The following ITGAL variants were observed in gnomAD, a reference collection of about 807,000 sequenced individuals.
ITGAL encodes the protein integrin subunit alpha L, also known as integrin alpha-L.
ITGAL carries 68 observed loss-of-function variants against 138.4 expected under a neutral mutation model. The ratio of observed to expected loss-of-function variants is 0.49; its 90% CI spans 0.40 to 0.60. The LOEUF is 0.60. Ranked by LOEUF, ITGAL falls within the 20% of genes least tolerant of loss-of-function variation. The pLI is 0.00. For missense variants in ITGAL, 1,256 were observed against 1,478.6 expected (o/e 0.85, Z 2.47); for synonymous variants, 561 against 584.3 (o/e 0.96, Z 0.57).
chr16:30,505,250 A>G lies in ITGAL; in HGVS notation c.2242A>G (p.Lys748Glu). 1 of 1,607,762 alleles carries G rather than the reference A, an allele frequency of 6.2e-7. No individual in the cohort carries two copies. Among genetic ancestry groups the G allele is most frequent in the Non-Finnish European group, 8.5e-7 (1 of 1,176,340 alleles). ...CCCACTACCCCTCGCTCAGCAGGGC[A>G]AGGACATACCGCCCATCCTGAGACC... ...GTPRDQRAQG[K>E]DIPPILRPSL... is the part of the protein sequence containing the mutation. Residue 748 changes from lysine (K) to glutamate (E), a missense_variant, in exon 19 of 31, where the codon AAG (lysine) becomes GAG (glutamate). Around this residue, in one of 3 missense-constraint regions of ITGAL, gnomAD observed 867 missense variants for 972.5 expected, o/e 0.89. Transcript: ENST00000356798.
In ITGAL at chr16:30,511,151, G is replaced by A; in HGVS notation, c.2786+15G>A. On this transcript the variant is annotated intron_variant, in intron 24 of 30. Coordinates refer to ENST00000356798, the MANE Select transcript of ITGAL (RefSeq NM_002209.3). ...CTCATCCAGGAGTAAGTTCTTCCCA[G>A]CAGACAGCCAACCCTCTCCTCCCAC... 1 of 1,598,388 alleles carries A rather than the reference G, an allele frequency of 6.3e-7. No individual in the cohort carries two copies. The highest frequency in any genetic ancestry group is 1.1e-5 in the South Asian group (1 of 90,776).
rs2051078263 is a variant in ITGAL, at chr16:30,510,823, G to GTC, written c.2620-58_2620-57insTC. Reference sequence around the variant, plus strand: ...GAGATGATGGTGATTAGATGTGGGGGCCATGAGGCTGCTCCTCATGACCCT... The same window carrying GTC: ...GAGATGATGGTGATTAGATGTGGGGGTCCCATGAGGCTGCTCCTCATGACCCT... On this transcript the variant is annotated intron_variant, in intron 22 of 30. Coordinates refer to ENST00000356798, the MANE Select transcript of ITGAL (RefSeq NM_002209.3). 2.3e-6 allele frequency: 3 copies of GTC among 1,317,884 alleles called. No homozygotes were observed. In the East Asian group the frequency reaches 6.9e-5, roughly 30 times the overall value. The allele number at this position is 1,317,884 out of a possible 1,614,324, so 81.6% of individuals were successfully genotyped here. A position where few individuals can be genotyped will look rare whatever the true frequency, so the allele number is the denominator to read the frequency against.
At chr16:30,496,044 T>G (rs1168848220) in intron 13 of ITGAL, 53 bp from the exon 14 acceptor site, 2 of 1,400,898 alleles carry the variant, frequency 1.4e-6, no homozygotes, top group East Asian at 4.6e-5. Context: ...TCAGTTGTTC[T>G]GTGACAGCAT....
At position 30,483,813 on chromosome 16, in the gene ITGAL, T is replaced by C; in HGVS notation, c.723-14T>C. The C allele has an allele frequency of 6.3e-7, 1 of 1,599,802 alleles. No individual in the cohort carries two copies. Among genetic ancestry groups the C allele is most frequent in the Non-Finnish European group, 8.5e-7 (1 of 1,170,352 alleles). ...TTTGGGGGAGTCTCTCATCTCCTCC[T>C]TTCCTGGACACAGGACAGAGGTGTT... On this transcript the variant is annotated splice_polypyrimidine_tract_variant and intron_variant, in intron 7 of 30. Transcript: ENST00000356798.
Position 30,483,818 on chromosome 16 carries a change from TGGACACAGGACAGA to T in ITGAL, c.723-6_730del. ...GGGAGTCTCTCATCTCCTCCTTTCCTGGACACAGGACAGAGGTGTTCCGGGAGGAGCTGGGGGCC... is the reference window on the plus strand; with the variant it reads ...GGGAGTCTCTCATCTCCTCCTTTCCTGGTGTTCCGGGAGGAGCTGGGGGCC... On this transcript the variant is annotated splice_acceptor_variant and splice_polypyrimidine_tract_variant and coding_sequence_variant and intron_variant, in exon 8 of 31. Transcript: ENST00000356798. LOFTEE classifies it high-confidence loss of function. The T allele has an allele frequency of 6.2e-7, 1 of 1,605,502 alleles. No homozygotes were observed. Among genetic ancestry groups the T allele is most frequent in the South Asian group, 1.1e-5 (1 of 90,718 alleles).
intron 17 of ITGAL, among the ~76,000 whole-genome samples, chr16:30,501,371 T>C (rs2151163034): frequency 6.6e-6 from 1 of 151,996 alleles, no homozygotes; most frequent in East Asian, 2.0e-4. Context: ...AGATTGGCAG[T>C]CCAAGACCAG....
Position 30,521,754 on chromosome 16 carries a change from T to G in ITGAL, c.*89T>G. 1.5e-6 allele frequency: 2 copies of G among 1,297,904 alleles called. No homozygotes were observed. Among genetic ancestry groups the G allele is most frequent in the Non-Finnish European group, 2.1e-6 (2 of 940,832 alleles). 80.4% of individuals were successfully genotyped at this position (1,297,904 alleles called of 1,614,324 possible). A position where few individuals can be genotyped will look rare whatever the true frequency, so the allele number is the denominator to read the frequency against. ...TCTGCCTGCATTCTGCCGTGTGCCC[T>G]CGGGCGAGTCACTGCCTCTCCCTGG... On this transcript the variant is annotated 3_prime_UTR_variant, in exon 31 of 31. Coordinates refer to ENST00000356798, the MANE Select transcript of ITGAL (RefSeq NM_002209.3).
In ITGAL at chr16:30,484,252, A is replaced by C. The variant is rs1223004604; in HGVS notation, c.995A>C (p.Tyr332Ser). 6.2e-7 allele frequency: 1 copy of C among 1,613,742 alleles called. No individual in the cohort carries two copies. The highest frequency in any genetic ancestry group is 8.5e-7 in the Non-Finnish European group (1 of 1,179,776). ...TTCACTGAGCTGCAGAAGAAGATCT[A>C]TGTCATTGAGGGTGAGTGGCAGGCC... is the stretch of plus-strand genomic sequence containing the variant. The part of the protein sequence containing the change: ...DLFTELQKKI[Y>S]VIEGTSKQDL... The change falls in exon 9 of 31, where the codon TAT becomes TCT. Residue 332 changes from tyrosine to serine, a missense_variant. Physicochemically the swap from Tyr to Ser is moderately radical, Grantham distance 144 (BLOSUM62 -2). Around this residue, in one of 3 missense-constraint regions of ITGAL, gnomAD observed 177 missense variants for 288.8 expected, o/e 0.61. Coordinates refer to ENST00000356798, the MANE Select transcript of ITGAL (RefSeq NM_002209.3).
At chr16:30,514,444 T>C (rs899893541) in intron 25 of ITGAL, among the ~76,000 whole-genome samples, 20 of 151,978 alleles carry the variant, frequency 1.3e-4, no homozygotes, top group Non-Finnish European at 2.2e-4. Context: ...GCCCGGCTAA[T>C]TTTTGTATTT....
intron 29 of ITGAL, 107 bp from the exon 30 acceptor site, chr16:30,519,750 C>A: frequency 2.7e-6 from 2 of 749,764 alleles, no homozygotes; most frequent in East Asian, 4.9e-5. Flanking sequence ...AGACTCCAGG[C>A]GGGTGATGCA....
chr16:30,518,696 G>A lies in ITGAL; in HGVS notation c.3205G>A (p.Gly1069Ser). 1.2e-6 allele frequency: 2 copies of A among 1,613,628 alleles called. No individual in the cohort carries two copies. ...FNSSKHFHLY[G>S]SNASLAQVVM... ...CAGCAGCAAGCATTTCCACCTCTAT[G>A]GCAGCAACGCCTCCCTGGCCCAGGT... Residue 1069 changes from glycine to serine, a missense_variant, in exon 29 of 31, where the codon GGC becomes AGC. By Grantham distance (56) the Gly-to-Ser change is moderately conservative. Coordinates refer to ENST00000356798, the MANE Select transcript of ITGAL (RefSeq NM_002209.3).
intron 13 of ITGAL, among the ~76,000 whole-genome samples, chr16:30,495,705 C>A (rs1597083799): frequency 6.6e-6 from 1 of 151,962 alleles, no homozygotes; most frequent in East Asian, 1.9e-4. Flanking sequence ...TAAAGTTAGC[C>A]AGATGTGGTG....
intron 7 of ITGAL, among the ~76,000 whole-genome samples, chr16:30,483,615 C>T (rs187840098): frequency 6.6e-6 from 1 of 152,298 alleles, no homozygotes; most frequent in Admixed American, 6.5e-5. Flanking sequence ...CTGGACTGCC[C>T]AGGATGCAGT....
rs377666974 is a variant in ITGAL at position 30,517,637 on chromosome 16, G to A, written c.2977-12G>A. 15 of 1,613,024 alleles carry A rather than the reference G, an allele frequency of 9.3e-6. No individual in the cohort carries two copies. Among genetic ancestry groups the A allele is most frequent in the South Asian group, 6.6e-5 (6 of 91,054 alleles). On this transcript the variant is annotated splice_polypyrimidine_tract_variant and intron_variant, in intron 26 of 30. Transcript: ENST00000356798. Reference sequence around the variant, plus strand: ...GGGAGGCTCTAACTGAAGACCTGCCGCTTGTTCCTAGGAGCCTCCCGTGCC... The same window carrying A: ...GGGAGGCTCTAACTGAAGACCTGCCACTTGTTCCTAGGAGCCTCCCGTGCC...
intron 6 of ITGAL, chr16:30,480,544 A>G (rs1257292939): frequency 6.6e-6 from 1 of 152,192 alleles, no homozygotes; most frequent in Non-Finnish European, 1.5e-5. Context: ...CATCCCTATC[A>G]GTGACATAGG....
intron 21 of ITGAL, among the ~76,000 whole-genome samples, chr16:30,508,985 G>A (rs557822860): frequency 2.6e-5 from 4 of 151,934 alleles, no homozygotes; most frequent in Admixed American, 6.6e-5. Context: ...AAAACCAGAC[G>A]GGGCAACATG....
intron 15 of ITGAL, among the ~76,000 whole-genome samples, chr16:30,497,266 C>G (rs1478601337): frequency 6.6e-6 from 1 of 151,530 alleles, no homozygotes; most frequent in Non-Finnish European, 1.5e-5. Context: ...TGGCGTGAAC[C>G]CAGGAGGCGG....
intron 18 of ITGAL, 147 bp from the exon 19 acceptor site, chr16:30,505,097 G>A: frequency 1.7e-6 from 1 of 601,116 alleles, no homozygotes. Context: ...GAGTGGGGCA[G>A]CCCTGGAAAG....
At chr16:30,518,575 G>C in intron 28 of ITGAL, 49 bp from the exon 29 acceptor site, 1 of 1,348,210 alleles carries the variant, frequency 7.4e-7, no homozygotes, top group Non-Finnish European at 1.1e-6. Flanking sequence ...AAGCCAGTGG[G>C]TTCTGTCCTC....
Sources: gnomAD v4.1 joint callset for allele counts (sites outside exome capture counted in the v4.1 genomes callset) on GRCh38, gnomAD v4.1.1 for gene constraint, gnomAD v4.1.1 regional missense constraint, MANE v1.5 for transcripts, NCBI Gene and HGNC (gene_info 2026-07-23, HGNC 2026-07-21) for gene names.